AKAP6: variants seen among roughly 807,000 people sequenced by gnomAD.
The protein encoded by AKAP6 is A-kinase anchoring protein 6.
AKAP6 carries 58 observed loss-of-function variants against 188.5 expected under a neutral mutation model. That is an observed-to-expected ratio of 0.31 (90% CI 0.25 to 0.38). The LOEUF is 0.38. AKAP6 is among the 10% of genes least tolerant of loss of function. AKAP6 has a pLI of 1.00. For synonymous variants in AKAP6, 989 were observed against 998.6 expected, an observed-to-expected ratio of 0.99 and a Z score of 0.18; for missense variants, 2,710 against 2,740.0, an observed-to-expected ratio of 0.99 and a Z score of 0.24.
At position 32,457,832 on chromosome 14, in the gene AKAP6, C is replaced by G. The variant is rs114030758; in HGVS notation, c.324+24015C>G. ...TTATATAATTGGGACCCATATCATGCCAAAGTAAAAAATTTAAACATTTCC... is the reference window on the plus strand; with the variant it reads ...TTATATAATTGGGACCCATATCATGGCAAAGTAAAAAATTTAAACATTTCC... On this transcript the variant is annotated intron_variant, in intron 2 of 13. Transcript: ENST00000280979. 9.9e-3 allele frequency among the ~76,000 whole-genome samples: 1,510 copies of G among 152,234 alleles called. 22 individuals carry two copies. The highest frequency in any genetic ancestry group is 0.034 in the African/African-American group (1,405 of 41,534).
intron 8 of AKAP6, among the ~76,000 whole-genome samples, chr14:32,690,832 C>G (rs1890148812): frequency 6.6e-6 from 1 of 152,092 alleles, no homozygotes; most frequent in Non-Finnish European, 1.5e-5. Context: ...ATGTCCAACT[C>G]CTTTATTGTG....
chr14:32,519,414 G>A (rs1196145500), intron 2 of AKAP6, among the ~76,000 whole-genome samples: 1 of 152,122 alleles, frequency 6.6e-6, no homozygotes, highest in Non-Finnish European at 1.5e-5. Context: ...TGGATAAAGT[G>A]TCAAGACCCA....
chr14:32,719,332 G>A (rs962514234), intron 9 of AKAP6, among the ~76,000 whole-genome samples: 10 of 152,152 alleles, frequency 6.6e-5, no homozygotes, highest in Non-Finnish European at 1.3e-4. Flanking sequence ...CTTGGGGAAT[G>A]CCCATTTGCA....
chr14:32,548,244 G>A (rs1458395318), intron 4 of AKAP6, among the ~76,000 whole-genome samples: 1 of 151,936 alleles, frequency 6.6e-6, no homozygotes, highest in Admixed American at 6.6e-5. Flanking sequence ...TGGGATTATA[G>A]GCCCCCACAA....
intron 3 of AKAP6, among the ~76,000 whole-genome samples, chr14:32,543,437 A>T (rs868757798): frequency 2.0e-5 from 3 of 152,184 alleles, no homozygotes; most frequent in Admixed American, 6.5e-5. Flanking sequence ...TTCTTTATCC[A>T]TTCACCTGCT....
At chr14:32,403,581 G>A (rs1172745021) in intron 1 of AKAP6, among the ~76,000 whole-genome samples, 2 of 152,340 alleles carry the variant, frequency 1.3e-5, no homozygotes, top group South Asian at 2.1e-4. Flanking sequence ...CTTACTAGCT[G>A]TGTGACCTTG....
chr14:32,784,440 G>A (rs1193672466), intron 12 of AKAP6, among the ~76,000 whole-genome samples: 5 of 152,092 alleles, frequency 3.3e-5, no homozygotes, highest in Admixed American at 6.6e-5. Context: ...AATTTCCTCA[G>A]GGGAATCTGC....
intron 2 of AKAP6, among the ~76,000 whole-genome samples, chr14:32,443,068 G>C (rs1464327251): frequency 6.6e-6 from 1 of 151,916 alleles, no homozygotes; most frequent in African/African-American, 2.4e-5. Flanking sequence ...CTCACCCTTG[G>C]CTGCACAGTA....
At chr14:32,766,451 T>A (rs1250654874) in intron 11 of AKAP6, among the ~76,000 whole-genome samples, 1 of 152,162 alleles carries the variant, frequency 6.6e-6, no homozygotes, top group Non-Finnish European at 1.5e-5. Flanking sequence ...TTCATGTGGC[T>A]GCACCATTTT....
At chr14:32,597,565 T>A (rs773143789) in intron 5 of AKAP6, among the ~76,000 whole-genome samples, 40 of 152,146 alleles carry the variant, frequency 2.6e-4, no homozygotes, top group African/African-American at 9.2e-4. Context: ...TAATATATAG[T>A]TTGGATTGAT....
intron 1 of AKAP6, among the ~76,000 whole-genome samples, chr14:32,399,649 C>T (rs149624666): frequency 7.9e-5 from 12 of 152,252 alleles, no homozygotes; most frequent in African/African-American, 2.9e-4. Context: ...AACTTCTCTT[C>T]CAGCCCAGGC....
chr14:32,739,461 G>C (rs1369111149), intron 11 of AKAP6, among the ~76,000 whole-genome samples: 1 of 151,702 alleles, frequency 6.6e-6, no homozygotes, highest in Non-Finnish European at 1.5e-5. Context: ...TCAAATACTG[G>C]GTCTTATTCA....
chr14:32,337,470 A>G (rs1162996713), intron 1 of AKAP6, among the ~76,000 whole-genome samples: 1 of 152,202 alleles, frequency 6.6e-6, no homozygotes, highest in Non-Finnish European at 1.5e-5. Context: ...AAAAGATATG[A>G]TTCCTCTGAG....
chr14:32,741,694 G>T (rs1395412658), intron 11 of AKAP6, among the ~76,000 whole-genome samples: 5 of 151,558 alleles, frequency 3.3e-5, no homozygotes, highest in Admixed American at 2.6e-4. Context: ...AACCATTCTT[G>T]CATCCTTCAG....
chr14:32,532,633 G>A (rs1882474073), intron 2 of AKAP6, among the ~76,000 whole-genome samples: 1 of 152,142 alleles, frequency 6.6e-6, no homozygotes. Flanking sequence ...TGGAGTAGAT[G>A]AGAAATGTAT....
intron 1 of AKAP6, among the ~76,000 whole-genome samples, chr14:32,365,976 C>T (rs2138503683): frequency 6.6e-6 from 1 of 152,304 alleles, no homozygotes; most frequent in South Asian, 2.1e-4. Context: ...AACCCTTCTT[C>T]CCTGTATCTT....
At chr14:32,717,202 A>T (rs559296206) in intron 9 of AKAP6, among the ~76,000 whole-genome samples, 61 of 152,134 alleles carry the variant, frequency 4.0e-4, no homozygotes, top group Non-Finnish European at 8.1e-4. Context: ...ATCTTCTTGA[A>T]AAGTTATCCC....
At chr14:32,693,046 A>G (rs975803901) in intron 8 of AKAP6, among the ~76,000 whole-genome samples, 1 of 152,172 alleles carries the variant, frequency 6.6e-6, no homozygotes, top group Non-Finnish European at 1.5e-5. Context: ...CTCCAAGATG[A>G]CATCTGAGCA....
At chr14:32,660,284 G>A (rs1483540494) in intron 7 of AKAP6, among the ~76,000 whole-genome samples, 2 of 152,136 alleles carry the variant, frequency 1.3e-5, no homozygotes, top group Non-Finnish European at 2.9e-5. Flanking sequence ...AATGGGCCAG[G>A]TCTTTATAAC....
Sources: allele counts gnomAD v4.1 joint callset (sites outside exome capture counted in the v4.1 genomes callset), GRCh38; gene constraint gnomAD v4.1.1; transcripts MANE v1.5; gene names NCBI Gene and HGNC (gene_info 2026-07-23, HGNC 2026-07-21).